Variants in ARHGEF37 observed in about 807,000 individuals in gnomAD.
The protein encoded by ARHGEF37 is Rho guanine nucleotide exchange factor 37, also known as Rho guanine nucleotide exchange factor (GEF) 37.
Under a neutral mutation model 71.1 loss-of-function variants are expected in ARHGEF37, and 55 were observed. That is an observed-to-expected ratio of 0.77 (90% CI 0.62 to 0.97). The LOEUF is 0.97. ARHGEF37 is among the 50% of genes least tolerant of loss of function. ARHGEF37 has a pLI of 0.00. For synonymous variants in ARHGEF37, 327 were observed against 350.6 expected (o/e 0.93, Z 0.75); for missense variants, 765 against 836.8 (o/e 0.91, Z 1.06).
intron 1 of ARHGEF37, among the ~76,000 whole-genome samples, chr5:149,564,164 C>T (rs1013271687): frequency 6.6e-6 from 1 of 151,830 alleles, no homozygotes; most frequent in Non-Finnish European, 1.5e-5. Context: ...GCTGTGTTGA[C>T]CAGGCTGGTC....
At chr5:149,605,961 AT>A (rs1386136219) in intron 3 of ARHGEF37, among the ~76,000 whole-genome samples, 2 of 152,132 alleles carry the variant, frequency 1.3e-5, no homozygotes. Flanking sequence ...TTGTTTGCTA[AT>A]CTGTGACTGG....
intron 1 of ARHGEF37, among the ~76,000 whole-genome samples, chr5:149,564,340 A>G (rs1414119346): frequency 6.6e-6 from 1 of 152,190 alleles, no homozygotes; most frequent in Non-Finnish European, 1.5e-5. Context: ...AGGGCAACTT[A>G]AGCCCAGATA....
At chr5:149,594,647 G>C (rs747734738) in intron 1 of ARHGEF37, among the ~76,000 whole-genome samples, 44 of 152,248 alleles carry the variant, frequency 2.9e-4, no homozygotes, top group Admixed American at 9.8e-4. Flanking sequence ...AAGATGAATA[G>C]GTGCTCATCT....
chr5:149,601,087 T>C lies in ARHGEF37; in HGVS notation c.187-21T>C, dbSNP rs755931941. On this transcript the variant is annotated intron_variant, in intron 2 of 12. Transcript: ENST00000333677. ...CTATGGAACTCCCAACCACCTCTCA[T>C]GGCTTCTTTGTTCCTTCCAGTTGCC... 4.4e-6 allele frequency: 7 copies of C among 1,604,970 alleles called. No homozygotes were observed. The Admixed American group carries it at 1.0e-4, about 23-fold the overall frequency.
intron 1 of ARHGEF37, among the ~76,000 whole-genome samples, chr5:149,569,209 G>A (rs948822814): frequency 1.3e-5 from 2 of 151,930 alleles, no homozygotes; most frequent in Non-Finnish European, 1.5e-5. Context: ...ATTCTTCTAC[G>A]TGACTTTCTG....
intron 2 of ARHGEF37, among the ~76,000 whole-genome samples, chr5:149,599,126 A>G (rs1429520223): frequency 6.6e-6 from 1 of 152,196 alleles, no homozygotes; most frequent in African/African-American, 2.4e-5. Context: ...TGGAGCTTTG[A>G]AACTAAAACC....
rs116900051 is a variant in ARHGEF37 at position 149,601,645 on chromosome 5, A to G, written c.310+414A>G. On this transcript the variant is annotated intron_variant, in intron 3 of 12. Transcript: ENST00000333677. Reference sequence around the variant, plus strand: ...GACAGAGACAGAAGATAGACAAACAACAGAATTGTAGGTAATAATTTGTAA... The same window carrying G: ...GACAGAGACAGAAGATAGACAAACAGCAGAATTGTAGGTAATAATTTGTAA... Among the ~76,000 whole-genome samples the G allele has an allele frequency of 1.2e-3, 184 of 152,332 alleles. 4 individuals carry two copies. The East Asian group carries it at 0.024, about 20-fold the overall frequency.
At chr5:149,569,172 G>A (rs1415070894) in intron 1 of ARHGEF37, among the ~76,000 whole-genome samples, 1 of 151,686 alleles carries the variant, frequency 6.6e-6, no homozygotes, top group Non-Finnish European at 1.5e-5. Flanking sequence ...TAAAATTTTG[G>A]CTATTATAAA....
At chr5:149,569,792 T>TA (rs1762940990) in intron 1 of ARHGEF37, among the ~76,000 whole-genome samples, 1 of 152,026 alleles carries the variant, frequency 6.6e-6, no homozygotes, top group African/African-American at 2.4e-5. Context: ...GGCTAATTTT[T>TA]GTATTTTTAG....
At chr5:149,601,737 G>A (rs1763761210) in intron 3 of ARHGEF37, among the ~76,000 whole-genome samples, 1 of 152,224 alleles carries the variant, frequency 6.6e-6, no homozygotes, top group Non-Finnish European at 1.5e-5. Flanking sequence ...GAGGGAACAT[G>A]TGAGCTGAGA....
At chr5:149,563,946 ATTT>A (rs570750342) in intron 1 of ARHGEF37, among the ~76,000 whole-genome samples, 1 of 124,852 alleles carries the variant, frequency 8.0e-6, no homozygotes, top group Non-Finnish European at 1.7e-5. Context: ...ATTAGTTTAA[ATTT>A]TTTTTTTTTT....
At chr5:149,611,844 T>C (rs1752187872) in intron 4 of ARHGEF37, among the ~76,000 whole-genome samples, 1 of 152,206 alleles carries the variant, frequency 6.6e-6, no homozygotes, top group Admixed American at 6.5e-5. Context: ...TCCTAAGACA[T>C]ATCCTGAAAT....
rs758934572 is a variant in ARHGEF37, at chr5:149,609,697, T to G, written c.458+2T>G. On this transcript the variant is annotated splice_donor_variant, in intron 4 of 12. Transcript: ENST00000333677. LOFTEE classifies it high-confidence loss of function. ...CCAGGGCATCGTTGAGGCGGTGGTGTGAGTAGAACGGCCAGTGAGCACTCG... is the reference window on the plus strand; with the variant it reads ...CCAGGGCATCGTTGAGGCGGTGGTGGGAGTAGAACGGCCAGTGAGCACTCG... 4.3e-6 allele frequency: 7 copies of G among 1,612,006 alleles called. No homozygotes were observed.
chr5:149,579,094 T>TA (rs1763059182), upstream of ARHGEF37, among the ~76,000 whole-genome samples: 1 of 152,144 alleles, frequency 6.6e-6, no homozygotes, highest in African/African-American at 2.4e-5. Context: ...CACTTACGTC[T>TA]AAAACCACAG....
At chr5:149,587,896 T>C (rs918322985) in intron 1 of ARHGEF37, among the ~76,000 whole-genome samples, 32,736 of 88,458 alleles carry the variant, frequency 0.37, 3,714 homozygotes, top group South Asian at 0.52. Context: ...CCTTTAGTCT[T>C]TTTTTTTTTT....
chr5:149,556,435 T>C (rs1219694413), intron 1 of ARHGEF37, among the ~76,000 whole-genome samples: 1 of 152,048 alleles, frequency 6.6e-6, no homozygotes, highest in East Asian at 1.9e-4. Context: ...TTGTCCAACC[T>C]GGAGTGCAAT....
chr5:149,593,309 C>T (rs530208796), intron 1 of ARHGEF37, among the ~76,000 whole-genome samples: 1 of 152,340 alleles, frequency 6.6e-6, no homozygotes, highest in South Asian at 2.1e-4. Flanking sequence ...TCCTTCAGCT[C>T]CAAACTCCAA....
intron 10 of ARHGEF37, among the ~76,000 whole-genome samples, chr5:149,625,894 G>T (rs532592859): frequency 1.3e-5 from 2 of 152,244 alleles, no homozygotes; most frequent in East Asian, 3.9e-4. Flanking sequence ...CTCCTTGGGG[G>T]CCCTCCCAGG....
At chr5:149,630,639 A>G (rs1306744652) in intron 12 of ARHGEF37, among the ~76,000 whole-genome samples, 2 of 152,202 alleles carry the variant, frequency 1.3e-5, no homozygotes, top group Non-Finnish European at 2.9e-5. Context: ...CACCCAGCTC[A>G]GCCTCTGCCC....
Sources: gnomAD v4.1 joint callset for allele counts (sites outside exome capture counted in the v4.1 genomes callset) on GRCh38, gnomAD v4.1.1 for gene constraint, MANE v1.5 for transcripts, NCBI Gene and HGNC (gene_info 2026-07-23, HGNC 2026-07-21) for gene names.